Variants in FSTL4 observed in about 807,000 individuals in gnomAD.
FSTL4 encodes the protein follistatin-related protein 4.
Under a neutral mutation model 78.2 loss-of-function variants are expected in FSTL4, and 28 were observed. The observed-to-expected ratio is 0.36, with a 90% CI of 0.27 to 0.49. The LOEUF is 0.49. Among genes scored for constraint, FSTL4 ranks in the 20% least tolerant of loss-of-function variants. The pLI is 0.98. For synonymous variants in FSTL4, 422 were observed against 440.5 expected, an observed-to-expected ratio of 0.96 and a Z score of 0.53; for missense variants, 922 against 1,084.9, an observed-to-expected ratio of 0.85 and a Z score of 2.11.
the FSTL4 span, among the ~76,000 whole-genome samples, chr5:133,773,409 T>C: frequency 6.6e-6 from 1 of 152,210 alleles, no homozygotes; most frequent in African/African-American, 2.4e-5. Context: ...ATGGGTTTCC[T>C]TCACCTCTGG....
chr5:133,701,510 C>CACACACA, the FSTL4 span, among the ~76,000 whole-genome samples: 20 of 48,388 alleles, frequency 4.1e-4, no homozygotes, highest in African/African-American at 1.8e-3. Flanking sequence ...CACACACACA[C>CACACACA]CCCACAGGCC....
At chr5:133,470,497 C>G (rs888978559) in intron 3 of FSTL4, among the ~76,000 whole-genome samples, 1 of 152,122 alleles carries the variant, frequency 6.6e-6, no homozygotes, top group African/African-American at 2.4e-5. Flanking sequence ...GTAATTGCAG[C>G]ATTTTGGGAC....
the FSTL4 span, among the ~76,000 whole-genome samples, chr5:133,627,151 C>CTTTTTTT: frequency 4.1e-4 from 38 of 92,990 alleles, no homozygotes; most frequent in South Asian, 8.0e-4. Flanking sequence ...CTCTGTGTCT[C>CTTTTTTT]TTTTTTTTTT....
chr5:133,473,640 T>C (rs761766525), intron 3 of FSTL4, among the ~76,000 whole-genome samples: 20 of 152,224 alleles, frequency 1.3e-4, no homozygotes, highest in Non-Finnish European at 2.5e-4. Context: ...ATAACAGAGA[T>C]AGAATCTCTA....
At chr5:133,771,954 C>T in the FSTL4 span, among the ~76,000 whole-genome samples, 208 of 152,240 alleles carry the variant, frequency 1.4e-3, 4 homozygotes, top group East Asian at 0.036. Flanking sequence ...CTTAGTTATA[C>T]ATTATTTAAT....
chr5:133,358,642 C>G (rs1034923513), intron 4 of FSTL4, among the ~76,000 whole-genome samples: 1 of 139,376 alleles, frequency 7.2e-6, no homozygotes, highest in Non-Finnish European at 1.5e-5. Context: ...GTCGCCCAGG[C>G]TGGATGGAGT....
chr5:133,766,990 G>A, the FSTL4 span, among the ~76,000 whole-genome samples: 4 of 152,208 alleles, frequency 2.6e-5, no homozygotes, highest in Non-Finnish European at 5.9e-5. Flanking sequence ...ACCAGGAGAT[G>A]GTCAAGGAAA....
chr5:133,424,540 C>T (rs1756765109), intron 3 of FSTL4, among the ~76,000 whole-genome samples: 1 of 152,204 alleles, frequency 6.6e-6, no homozygotes, highest in South Asian at 2.1e-4. Context: ...CACCTGGGTT[C>T]TCTACGACTT....
At chr5:133,497,089 A>G (rs961494575) in intron 3 of FSTL4, among the ~76,000 whole-genome samples, 36 of 152,212 alleles carry the variant, frequency 2.4e-4, no homozygotes, top group African/African-American at 8.2e-4. Context: ...CAAAGAAACC[A>G]GAAATCTCTT....
chr5:133,753,496 C>A, the FSTL4 span, among the ~76,000 whole-genome samples: 1 of 152,104 alleles, frequency 6.6e-6, no homozygotes, highest in Admixed American at 6.5e-5. Context: ...ATTGGCCACT[C>A]GATGAGCTGG....
At chr5:133,401,112 C>G (rs1267656508) in intron 3 of FSTL4, 126 bp from the exon 4 acceptor site, 1 of 1,121,262 alleles carries the variant, frequency 8.9e-7, no homozygotes, top group African/African-American at 1.5e-5. Flanking sequence ...CAAGGTGGGG[C>G]CTGGGGGCTT....
chr5:133,790,640 G>T, the FSTL4 span, among the ~76,000 whole-genome samples: 1 of 152,048 alleles, frequency 6.6e-6, no homozygotes, highest in Non-Finnish European at 1.5e-5. Flanking sequence ...ATGTCAACAG[G>T]CATCTCAGGA....
chr5:133,757,412 T>C, the FSTL4 span, among the ~76,000 whole-genome samples: 1 of 152,318 alleles, frequency 6.6e-6, no homozygotes, highest in Non-Finnish European at 1.5e-5. Context: ...CAGTGCTCAA[T>C]AGCACGTGGT....
At chr5:133,260,415 G>A (rs937710118) in intron 6 of FSTL4, among the ~76,000 whole-genome samples, 6 of 152,210 alleles carry the variant, frequency 3.9e-5, no homozygotes, top group South Asian at 4.1e-4. Flanking sequence ...CATTTTGAAC[G>A]GTTTACATCA....
chr5:133,427,781 G>T, intron 3 of FSTL4: 1 of 457,536 alleles, frequency 2.2e-6, no homozygotes, highest in Non-Finnish European at 4.8e-6. Flanking sequence ...TCTGCCATCA[G>T]GACAGACAAG....
At chr5:133,823,039 G>C in the FSTL4 span, among the ~76,000 whole-genome samples, 7,227 of 152,236 alleles carry the variant, frequency 0.047, 284 homozygotes, top group East Asian at 0.1. Context: ...ATGAACAATA[G>C]ACAAAGTAAA....
intron 3 of FSTL4, among the ~76,000 whole-genome samples, chr5:133,425,974 CTCTAGTCTTCCTG>C (rs1465643125): frequency 6.6e-6 from 1 of 152,186 alleles, no homozygotes; most frequent in Non-Finnish European, 1.5e-5. Flanking sequence ...ACGTGGGGGG[CTCTAGTCTTCCTG>C]TCTAAGTGCT....
chr5:133,332,665 G>C (rs1482946586), intron 4 of FSTL4, among the ~76,000 whole-genome samples: 1 of 152,176 alleles, frequency 6.6e-6, no homozygotes, highest in Non-Finnish European at 1.5e-5. Context: ...TGAAAATGTG[G>C]TTAAAATATT....
At chr5:133,755,430 C>T in the FSTL4 span, among the ~76,000 whole-genome samples, 9 of 152,178 alleles carry the variant, frequency 5.9e-5, no homozygotes, top group Non-Finnish European at 1.3e-4. Context: ...ATCCTTCCTC[C>T]ACCAGCTCTC....
Sources: gnomAD v4.1 joint callset for allele counts (sites outside exome capture counted in the v4.1 genomes callset) on GRCh38, gnomAD v4.1.1 for gene constraint, MANE v1.5 for transcripts, NCBI Gene and HGNC (gene_info 2026-07-23, HGNC 2026-07-21) for gene names.